GNAL: variants seen among roughly 807,000 people sequenced by gnomAD.
The protein encoded by GNAL is G protein subunit alpha L.
Under a neutral mutation model 55.1 loss-of-function variants are expected in GNAL, and 18 were observed. The observed-to-expected ratio is 0.33, with a 90% CI of 0.23 to 0.48. The LOEUF is 0.48. Ranked by LOEUF, GNAL falls within the 20% of genes least tolerant of loss-of-function variation. GNAL has a pLI of 0.99. For synonymous variants in GNAL, 253 were observed against 237.0 expected, an observed-to-expected ratio of 1.07 and a Z score of -0.62; for missense variants, 412 against 614.1, an observed-to-expected ratio of 0.67 and a Z score of 3.48.
chr18:11,826,279 G>C (rs2035242446), intron 5 of GNAL, among the ~76,000 whole-genome samples: 1 of 21,524 alleles, frequency 4.6e-5, no homozygotes. Flanking sequence ...AGAGGAGGAG[G>C]AGGAGCGGGG....
chr18:11,759,914 C>T (rs2033185253), intron 4 of GNAL, among the ~76,000 whole-genome samples: 1 of 152,044 alleles, frequency 6.6e-6, no homozygotes, highest in Non-Finnish European at 1.5e-5. Context: ...TTTAACCAAC[C>T]AAGCTGAAGC....
intron 1 of GNAL, among the ~76,000 whole-genome samples, chr18:11,733,298 G>A (rs112661027): frequency 6.6e-6 from 1 of 152,234 alleles, no homozygotes; most frequent in African/African-American, 2.4e-5. Context: ...CTATATAAAA[G>A]GGTGAGCTGT....
At chr18:11,754,137 AG>A (rs1185967141) in intron 4 of GNAL, among the ~76,000 whole-genome samples, 192 bp downstream of exon 4, 1 of 152,198 alleles carries the variant, frequency 6.6e-6, no homozygotes, top group African/African-American at 2.4e-5. Flanking sequence ...AACTACGGCC[AG>A]GGGCGGTGGC....
chr18:11,815,738 C>A (rs909601940), intron 4 of GNAL, among the ~76,000 whole-genome samples: 2 of 151,936 alleles, frequency 1.3e-5, no homozygotes, highest in East Asian at 1.9e-4. Context: ...AAATAAAATG[C>A]GAATTTGGGA....
intron 4 of GNAL, among the ~76,000 whole-genome samples, chr18:11,771,664 G>A (rs1339296263): frequency 6.6e-6 from 1 of 152,126 alleles, no homozygotes; most frequent in Non-Finnish European, 1.5e-5. Context: ...AGGTAGACCA[G>A]GGACAGTGGC....
At chr18:11,853,665 C>G (rs1215867325) in intron 5 of GNAL, 1 of 166,902 alleles carries the variant, frequency 6.0e-6, no homozygotes, top group East Asian at 1.9e-4. Flanking sequence ...AGGAGTGACC[C>G]TCATATTTAA....
intron 5 of GNAL, among the ~76,000 whole-genome samples, chr18:11,845,539 G>A (rs542938302): frequency 7.8e-4 from 118 of 152,244 alleles, no homozygotes; most frequent in African/African-American, 2.4e-3. Context: ...AATATTTCAC[G>A]TGTTTGGTTC....
intron 5 of GNAL, among the ~76,000 whole-genome samples, chr18:11,826,317 C>A (rs1306039839): frequency 2.4e-4 from 1 of 4,202 alleles, no homozygotes; most frequent in African/African-American, 6.7e-4. Flanking sequence ...GGAGGAGGAG[C>A]GGGGAGCGGG....
intron 1 of GNAL, among the ~76,000 whole-genome samples, chr18:11,692,467 G>C (rs2031279949): frequency 6.6e-6 from 1 of 152,202 alleles, no homozygotes; most frequent in African/African-American, 2.4e-5. Context: ...GAATATCGCA[G>C]AGCACACGTT....
At chr18:11,775,845 T>C (rs187144070) in intron 4 of GNAL, among the ~76,000 whole-genome samples, 43 of 152,320 alleles carry the variant, frequency 2.8e-4, no homozygotes, top group Admixed American at 1.8e-3. Flanking sequence ...TCAGGAAGAT[T>C]TCCATTCAAG....
At chr18:11,849,162 T>C (rs1039853635) in intron 5 of GNAL, among the ~76,000 whole-genome samples, 2 of 152,202 alleles carry the variant, frequency 1.3e-5, no homozygotes, top group African/African-American at 2.4e-5. Context: ...TCGGAGTCTC[T>C]CATGATTATA....
At chr18:11,704,884 A>C (rs916153491) in intron 1 of GNAL, among the ~76,000 whole-genome samples, 1 of 152,164 alleles carries the variant, frequency 6.6e-6, no homozygotes, top group Non-Finnish European at 1.5e-5. Flanking sequence ...ACATGTGTAT[A>C]CACCTGAGAG....
At chr18:11,691,520 C>T (rs1274663546) in intron 1 of GNAL, among the ~76,000 whole-genome samples, 1 of 148,526 alleles carries the variant, frequency 6.7e-6, no homozygotes, top group Non-Finnish European at 1.5e-5. Flanking sequence ...GTGTTTTGGA[C>T]ATGAAGTCCT....
chr18:11,840,649 A>G (rs952045426), intron 5 of GNAL, among the ~76,000 whole-genome samples: 1 of 152,122 alleles, frequency 6.6e-6, no homozygotes, highest in Non-Finnish European at 1.5e-5. Flanking sequence ...TTTGTTGACC[A>G]CGTGCTTCTC....
chr18:11,706,129 A>G (rs936049005), intron 1 of GNAL, among the ~76,000 whole-genome samples: 3 of 151,986 alleles, frequency 2.0e-5, no homozygotes, highest in Admixed American at 2.0e-4. Flanking sequence ...GTTGAGTTGT[A>G]GGAGCTCTTT....
At chr18:11,809,159 G>A (rs781573388) in intron 4 of GNAL, among the ~76,000 whole-genome samples, 3 of 152,144 alleles carry the variant, frequency 2.0e-5, no homozygotes, top group Non-Finnish European at 4.4e-5. Context: ...TAAGGAGTCT[G>A]AGGCAGGAGA....
At chr18:11,846,639 A>T (rs1208392686) in intron 5 of GNAL, among the ~76,000 whole-genome samples, 1 of 151,528 alleles carries the variant, frequency 6.6e-6, no homozygotes, top group Non-Finnish European at 1.5e-5. Flanking sequence ...GCTAATTTTT[A>T]TTTTTTATTT....
At chr18:11,819,911 T>C (rs1289996499) in intron 4 of GNAL, among the ~76,000 whole-genome samples, 1 of 152,132 alleles carries the variant, frequency 6.6e-6, no homozygotes, top group Non-Finnish European at 1.5e-5. Context: ...TTTATTAATG[T>C]TTTTAATTTT....
At chr18:11,787,723 A>C (rs1479608564) in intron 4 of GNAL, among the ~76,000 whole-genome samples, 2 of 152,046 alleles carry the variant, frequency 1.3e-5, no homozygotes, top group Non-Finnish European at 2.9e-5. Flanking sequence ...AAATACAAAA[A>C]ATTAGCCAGG....
Sources: gnomAD v4.1 joint callset for allele counts (sites outside exome capture counted in the v4.1 genomes callset) on GRCh38, gnomAD v4.1.1 for gene constraint, MANE v1.5 for transcripts, NCBI Gene and HGNC (gene_info 2026-07-23, HGNC 2026-07-21) for gene names.